The following HUNK variants were observed in gnomAD, a reference collection of about 807,000 sequenced individuals.
HUNK encodes hormonally up-regulated Neu-associated kinase, also known as hormonally up-regulated neu tumor-associated kinase.
In HUNK, 21 loss-of-function variants were observed where a neutral mutation model predicts 61.0. That is an observed-to-expected ratio of 0.34 (90% CI 0.24 to 0.50). The LOEUF is 0.50. Among genes scored for constraint, HUNK ranks in the 20% least tolerant of loss-of-function variants. The probability of loss-of-function intolerance (pLI) is 0.98; values close to 1 mark genes in which losing one functional copy is unlikely to be tolerated. For missense variants in HUNK, 772 were observed against 945.7 expected, an observed-to-expected ratio of 0.82 and a Z score of 2.41; for synonymous variants, 371 against 386.1, an observed-to-expected ratio of 0.96 and a Z score of 0.46.
chr21:31,911,446 A>G (rs1283283674), intron 1 of HUNK, among the ~76,000 whole-genome samples: 1 of 152,194 alleles, frequency 6.6e-6, no homozygotes, highest in Non-Finnish European at 1.5e-5. Flanking sequence ...CAAGATCCCC[A>G]GGAGGGAACA....
Position 31,873,712 on chromosome 21 carries a change from CGGCGGCGCCTGGG to C in HUNK, c.46_58del (p.Pro16AlafsTer22), listed in dbSNP as rs2052233470. On this transcript the variant is annotated frameshift_variant, in exon 1 of 11. Transcript: ENST00000270112. LOFTEE classifies it high-confidence loss of function. This position sits in a 1 kb window ranked among gnomAD's most constrained non-coding sequence, Gnocchi z 6.1. ...GCGGGGGACGGGCTCCTGGGGGAGC[CGGCGGCGCCTGGG>C]GGCGGCGGCGGCGCGGAGGACGCGG... The C allele has an allele frequency of 3.4e-6, 4 of 1,175,362 alleles. No individual in the cohort carries two copies. Among genetic ancestry groups the C allele is most frequent in the Non-Finnish European group, 4.2e-6 (4 of 954,458 alleles). 72.8% of individuals were successfully genotyped at this position (1,175,362 alleles called of 1,614,324 possible). A position where few individuals can be genotyped will look rare whatever the true frequency, so the allele number is the denominator to read the frequency against.
intron 5 of HUNK, among the ~76,000 whole-genome samples, chr21:31,965,156 A>T (rs2052954672): frequency 6.6e-6 from 1 of 152,164 alleles, no homozygotes; most frequent in Non-Finnish European, 1.5e-5. Context: ...TAGAACATGG[A>T]TGGAGCTGGA....
chr21:31,935,864 G>A (rs1053817537), intron 2 of HUNK, among the ~76,000 whole-genome samples: 8 of 151,936 alleles, frequency 5.3e-5, no homozygotes, highest in Admixed American at 2.0e-4. Flanking sequence ...GTCGCCCTAG[G>A]CTGGAGCGCA....
rs191336436 is a variant in HUNK at position 31,928,311 on chromosome 21, A to C, written c.554+3551A>C. ...GATCGCGAGAACAACAAAGAAAACC[A>C]AGTGGAAGCTGTGCCTTGTGCACTG... On this transcript the variant is annotated intron_variant, in intron 2 of 10. Coordinates refer to ENST00000270112, the MANE Select transcript of HUNK (RefSeq NM_014586.2). Among the ~76,000 whole-genome samples the C allele has an allele frequency of 5.9e-5, 9 of 152,318 alleles. 1 individual carries two copies. Among genetic ancestry groups the C allele is most frequent in the South Asian group, 2.1e-4 (1 of 4,826 alleles).
In HUNK at chr21:31,998,758, G is replaced by A. The variant is rs370235358; in HGVS notation, c.1719G>A (p.Val573=). The change falls in exon 11 of 11, where the codon GTG becomes GTA. Residue 573 remains valine (V), a synonymous_variant. Transcript: ENST00000270112. ...ESVDRDDHVE[V]LSPSHHYRIL... ...TGGATCGCGACGACCACGTAGAAGTGCTGTCTCCCTCTCATCACTACAGGA... is the reference window on the plus strand; with the variant it reads ...TGGATCGCGACGACCACGTAGAAGTACTGTCTCCCTCTCATCACTACAGGA... The A allele has an allele frequency of 1.5e-5, 25 of 1,614,030 alleles. No individual in the cohort carries two copies. The African/African-American group carries it at 2.9e-4, about 19-fold the overall frequency.
At chr21:31,963,657 C>T (rs2052943691) in intron 5 of HUNK, among the ~76,000 whole-genome samples, 1 of 110,662 alleles carries the variant, frequency 9.0e-6, no homozygotes, top group African/African-American at 2.6e-5. Flanking sequence ...CCACCATGCC[C>T]AGCTAATTTT....
intron 1 of HUNK, among the ~76,000 whole-genome samples, chr21:31,923,950 A>G (rs1384553273): frequency 6.6e-6 from 1 of 152,076 alleles, no homozygotes; most frequent in Non-Finnish European, 1.5e-5. Context: ...GGGGCGGGCA[A>G]GGCTAGGGGT....
intron 5 of HUNK, among the ~76,000 whole-genome samples, chr21:31,962,935 C>T (rs1006453883): frequency 1.3e-5 from 2 of 152,146 alleles, no homozygotes; most frequent in African/African-American, 4.8e-5. Context: ...TTGTCCTGAC[C>T]CAGTAGGGCC....
At chr21:31,890,971 T>TAA (rs370444866) in intron 1 of HUNK, among the ~76,000 whole-genome samples, 2 of 144,850 alleles carry the variant, frequency 1.4e-5, no homozygotes, top group Admixed American at 6.9e-5. Context: ...ATCTTTTGTT[T>TAA]AAAAAAAAAA....
At chr21:31,988,870 G>A (rs183992868) in intron 8 of HUNK, among the ~76,000 whole-genome samples, 41 of 141,854 alleles carry the variant, frequency 2.9e-4, no homozygotes, top group Admixed American at 2.7e-3. Flanking sequence ...TCGGTTTCCA[G>A]ACCAAGCTGG....
chr21:31,903,117 T>C (rs73900591), intron 1 of HUNK, among the ~76,000 whole-genome samples: 4,445 of 152,192 alleles, frequency 0.029, 238 homozygotes, highest in African/African-American at 0.1. Flanking sequence ...TCCATTAATG[T>C]TGATGAAAGC....
chr21:31,876,780 A>G (rs1482129141), intron 1 of HUNK, among the ~76,000 whole-genome samples: 1 of 152,190 alleles, frequency 6.6e-6, no homozygotes, highest in Admixed American at 6.5e-5. Context: ...TTTTGGATTT[A>G]GAATTTCACT....
At chr21:31,958,803 G>A (rs750434359) in intron 4 of HUNK, 40 bp from the exon 5 acceptor site, 1 of 1,531,000 alleles carries the variant, frequency 6.5e-7, no homozygotes, top group East Asian at 2.3e-5. Context: ...CCTCCCCAGG[G>A]GACCTGACTC....
chr21:31,986,925 T>C (rs2053137579), intron 8 of HUNK, among the ~76,000 whole-genome samples: 1 of 152,126 alleles, frequency 6.6e-6, no homozygotes, highest in African/African-American at 2.4e-5. Flanking sequence ...GCTGTTTATT[T>C]GTTTTGGGGT....
intron 9 of HUNK, among the ~76,000 whole-genome samples, chr21:31,992,557 G>A (rs76861050): frequency 0.033 from 5,020 of 152,296 alleles, 153 homozygotes; most frequent in African/African-American, 0.083. Flanking sequence ...GCTTCGAACC[G>A]AGAGCTTGAA....
At chr21:31,906,470 T>G (rs1213094557) in intron 1 of HUNK, among the ~76,000 whole-genome samples, 1 of 152,206 alleles carries the variant, frequency 6.6e-6, no homozygotes, top group African/African-American at 2.4e-5. Flanking sequence ...AATCTCGCTC[T>G]GTCGCCCAGG....
intron 4 of HUNK, among the ~76,000 whole-genome samples, chr21:31,956,995 C>T (rs550196942): frequency 6.6e-6 from 1 of 152,274 alleles, no homozygotes; most frequent in East Asian, 1.9e-4. Context: ...ATCCATACAA[C>T]CAGCCAGCCA....
chr21:31,895,143 AGT>A (rs1363590929), intron 1 of HUNK, among the ~76,000 whole-genome samples: 2 of 152,206 alleles, frequency 1.3e-5, no homozygotes, highest in Non-Finnish European at 2.9e-5. Context: ...AAATAAATTC[AGT>A]GTGTTTATGT....
At chr21:31,968,913 C>G (rs1262251366) in intron 6 of HUNK, among the ~76,000 whole-genome samples, 1 of 151,736 alleles carries the variant, frequency 6.6e-6, no homozygotes, top group Non-Finnish European at 1.5e-5. Context: ...TAGTCTGGCT[C>G]TGTCACCCAG....
Sources: allele counts gnomAD v4.1 joint callset (sites outside exome capture counted in the v4.1 genomes callset), GRCh38; gene constraint gnomAD v4.1.1; non-coding constraint Gnocchi (gnomAD v3.1); transcripts MANE v1.5; gene names NCBI Gene and HGNC (gene_info 2026-07-23, HGNC 2026-07-21).